Variants in UNC13C observed in about 807,000 individuals in gnomAD.
UNC13C encodes the protein protein unc-13 homolog C.
UNC13C carries 174 observed loss-of-function variants against 245.4 expected under a neutral mutation model. The observed-to-expected ratio is 0.71, with a 90% CI of 0.63 to 0.80. The LOEUF is 0.80. Ranked by LOEUF, UNC13C falls within the 30% of genes least tolerant of loss-of-function variation. UNC13C has a pLI of 0.00. For synonymous variants in UNC13C, 992 were observed against 895.1 expected, an observed-to-expected ratio of 1.11 and a Z score of -1.93; for missense variants, 2,829 against 2,602.9, an observed-to-expected ratio of 1.09 and a Z score of -1.89.
chr15:54,615,231 G>C (rs1171503800), intron 30 of UNC13C, among the ~76,000 whole-genome samples: 1 of 151,938 alleles, frequency 6.6e-6, no homozygotes, highest in Non-Finnish European at 1.5e-5. Flanking sequence ...TACTCTTCAA[G>C]TTATTTAAAA....
intron 7 of UNC13C, among the ~76,000 whole-genome samples, chr15:54,241,461 C>A (rs1234161613): frequency 6.6e-6 from 1 of 152,162 alleles, no homozygotes; most frequent in East Asian, 1.9e-4. Context: ...GTACTTCAGA[C>A]CCCTGCTCAG....
chr15:54,475,289 TATTATTATTATTATTA>T (rs1567307627), intron 19 of UNC13C, among the ~76,000 whole-genome samples: 1 of 39,448 alleles, frequency 2.5e-5, no homozygotes, highest in Non-Finnish European at 5.0e-5. Context: ...TGTTTATTAT[TATTATTATTATTATTA>T]TTATTATTAT....
chr15:54,372,003 A>G (rs1196621370), intron 17 of UNC13C, among the ~76,000 whole-genome samples: 1 of 152,186 alleles, frequency 6.6e-6, no homozygotes, highest in Admixed American at 6.5e-5. Context: ...AGTTAGAAGG[A>G]TAAAGTTCAA....
intron 2 of UNC13C, among the ~76,000 whole-genome samples, chr15:54,018,732 C>G (rs1484343651): frequency 1.3e-5 from 2 of 152,164 alleles, no homozygotes; most frequent in Non-Finnish European, 2.9e-5. Flanking sequence ...TTCCCATGTA[C>G]TTGCCTCTTA....
chr15:53,883,463 G>A, the UNC13C span, among the ~76,000 whole-genome samples: 1 of 152,128 alleles, frequency 6.6e-6, no homozygotes, highest in Non-Finnish European at 1.5e-5. Context: ...CTGTCTTTTG[G>A]CATGGGGTTC....
chr15:54,286,930 T>A lies in UNC13C; in HGVS notation c.3819-6965T>A, dbSNP rs180796149. ...CTCTCTCTTTAACAATGAAAACATT[T>A]AAAATTAGAAATATGAATCACTCTT... On this transcript the variant is annotated intron_variant, in intron 10 of 32. Transcript: ENST00000260323. Among the ~76,000 whole-genome samples, 251 of 152,278 alleles carry A rather than the reference T, an allele frequency of 1.6e-3. 1 individual carries two copies. The highest frequency in any genetic ancestry group is 5.8e-3 in the African/African-American group (240 of 41,576).
chr15:54,276,685 A>G (rs1031732551), intron 10 of UNC13C, among the ~76,000 whole-genome samples: 2 of 152,102 alleles, frequency 1.3e-5, no homozygotes, highest in African/African-American at 2.4e-5. Context: ...TACGTTACTC[A>G]TTGAGTTCTA....
chr15:54,469,439 T>C (rs1283226329), intron 19 of UNC13C, among the ~76,000 whole-genome samples: 1 of 151,440 alleles, frequency 6.6e-6, no homozygotes, highest in Non-Finnish European at 1.5e-5. Context: ...ATTGCTCTGG[T>C]TAGGACTTTC....
intron 19 of UNC13C, among the ~76,000 whole-genome samples, chr15:54,467,165 T>C (rs1259828483): frequency 1.3e-5 from 2 of 151,878 alleles, no homozygotes; most frequent in Non-Finnish European, 3.0e-5. Context: ...AAGATAGACA[T>C]GGTTCCTTCG....
chr15:53,857,781 A>G, the UNC13C span, among the ~76,000 whole-genome samples: 3 of 152,360 alleles, frequency 2.0e-5, no homozygotes, highest in East Asian at 5.8e-4. Flanking sequence ...GAGGAAAATT[A>G]TCTTAAAAGT....
At chr15:54,173,795 T>A (rs2033508236) in intron 4 of UNC13C, among the ~76,000 whole-genome samples, 1 of 152,174 alleles carries the variant, frequency 6.6e-6, no homozygotes, top group Admixed American at 6.5e-5. Context: ...TTCTTAATTT[T>A]AAGCAGAAGC....
intron 26 of UNC13C, among the ~76,000 whole-genome samples, chr15:54,546,242 T>C (rs1249035768): frequency 6.6e-6 from 1 of 152,164 alleles, no homozygotes; most frequent in African/African-American, 2.4e-5. Context: ...CACCGCATGT[T>C]CTCACTCATA....
the UNC13C span, among the ~76,000 whole-genome samples, chr15:53,903,291 C>T: frequency 6.6e-6 from 1 of 152,150 alleles, no homozygotes; most frequent in Non-Finnish European, 1.5e-5. Context: ...AATAAAAGGG[C>T]TCAGACATAT....
chr15:54,402,035 A>G (rs1844040208), intron 18 of UNC13C, among the ~76,000 whole-genome samples: 1 of 151,760 alleles, frequency 6.6e-6, no homozygotes, highest in Non-Finnish European at 1.5e-5. Flanking sequence ...GTATTTCAAT[A>G]TAGTTGCAGT....
At chr15:54,293,751 T>A (rs1354480419) in intron 10 of UNC13C, 144 bp from the exon 11 acceptor site, 2 of 543,178 alleles carry the variant, frequency 3.7e-6, no homozygotes, top group African/African-American at 3.9e-5. Flanking sequence ...GCCTGCAACA[T>A]CCCATGGATA....
chr15:54,004,134 A>G lies in UNC13C; in HGVS notation c.-256-8514A>G, dbSNP rs1895032379. ...TTATTTCTATTTTTTGTACCCATTAACCATCTGCATCTTCCTTCTACCTCC... is the reference window on the plus strand; with the variant it reads ...TTATTTCTATTTTTTGTACCCATTAGCCATCTGCATCTTCCTTCTACCTCC... On this transcript the variant is annotated intron_variant, in intron 1 of 32. Transcript: ENST00000260323. 2.6e-5 allele frequency among the ~76,000 whole-genome samples: 4 copies of G among 152,182 alleles called. No homozygotes were observed. In the South Asian group the frequency reaches 8.3e-4, roughly 32 times the overall value.
At chr15:54,081,559 A>G (rs1253543166) in intron 2 of UNC13C, among the ~76,000 whole-genome samples, 2 of 151,522 alleles carry the variant, frequency 1.3e-5, no homozygotes, top group Admixed American at 1.3e-4. Context: ...ATTTATTTTT[A>G]CTGTTGTTTT....
intron 17 of UNC13C, among the ~76,000 whole-genome samples, chr15:54,364,178 T>G (rs534187856): frequency 2.0e-5 from 3 of 152,174 alleles, no homozygotes; most frequent in Non-Finnish European, 4.4e-5. Context: ...GGTAGAAAAA[T>G]AAATCCATGT....
chr15:54,250,739 T>G (rs1270134591), intron 8 of UNC13C, among the ~76,000 whole-genome samples: 2 of 107,956 alleles, frequency 1.9e-5, no homozygotes, highest in African/African-American at 8.9e-5. Context: ...TGTCTTTTCT[T>G]TCTTTCTTTC....
Sources: gnomAD v4.1 joint callset for allele counts (sites outside exome capture counted in the v4.1 genomes callset) on GRCh38, gnomAD v4.1.1 for gene constraint, MANE v1.5 for transcripts, NCBI Gene and HGNC (gene_info 2026-07-23, HGNC 2026-07-21) for gene names.